Variants in TEX15 observed in about 807,000 individuals in gnomAD.
TEX15 encodes the protein testis-expressed protein 15.
A neutral mutation model predicts 237.3 loss-of-function variants in TEX15; 171 were observed. The ratio of observed to expected loss-of-function variants is 0.72; its 90% CI spans 0.64 to 0.82. The LOEUF (loss-of-function observed/expected upper bound fraction) is 0.82, where lower values mean the gene tolerates loss of function less well. TEX15 is among the 40% of genes least tolerant of loss of function. The pLI is 0.00. For synonymous variants in TEX15, 1,338 were observed against 1,269.8 expected (o/e 1.05, Z -1.14); for missense variants, 3,750 against 3,646.5 (o/e 1.03, Z -0.73).
At position 30,837,883 on chromosome 8, in the gene TEX15, A is replaced by G; in HGVS notation, c.8401T>C (p.Leu2801=). 1 of 1,614,142 alleles carries G rather than the reference A, an allele frequency of 6.2e-7. No individual in the cohort carries two copies. The highest frequency in any genetic ancestry group is 8.5e-7 in the Non-Finnish European group (1 of 1,180,016). ...CASKSESKID[L]TVSSDHFSGQ... is the part of the protein sequence containing the mutation. The stretch of plus-strand genomic sequence containing the variant: ...CTGAAGTGATCAGATGAAACAGTTA[A>G]GTCTATTTTGCTTTCCGACTTTGAT... The change falls in exon 10 of 11, where the codon TTA becomes CTA. Residue 2801 remains leucine, a synonymous_variant. Coordinates refer to ENST00000643185, the MANE Select transcript of TEX15 (RefSeq NM_001350162.2).
intron 3 of TEX15, 63 bp from the exon 4 acceptor site, chr8:30,875,165 G>T: frequency 9.6e-7 from 1 of 1,040,864 alleles, no homozygotes; most frequent in South Asian, 4.9e-5. Context: ...TCTGTACAAT[G>T]ACAACTGTAT....
In TEX15 at chr8:30,844,431, C is replaced by T. The variant is rs1163110971; in HGVS notation, c.5736G>A (p.Lys1912=). 6.2e-7 allele frequency: 1 copy of T among 1,612,298 alleles called. No homozygotes were observed. Among genetic ancestry groups the T allele is most frequent in the Non-Finnish European group, 8.5e-7 (1 of 1,179,312 alleles). Residue 1912 remains lysine (K), a synonymous_variant, in exon 8 of 11, where the codon AAG becomes AAA. Transcript: ENST00000643185. ...TGTTAAGCGGATTAGAAACTGTGTT[C>T]TTCAAAGGGACTGACTCAGTGGTAG... ...KNTTTESVPL[K]NTVSNPLNKR... is the part of the protein sequence containing the mutation.
Position 30,846,306 on chromosome 8 carries a change from A to C in TEX15, c.3861T>G (p.Asn1287Lys). 6.2e-7 allele frequency: 1 copy of C among 1,612,930 alleles called. No individual in the cohort carries two copies. The highest frequency in any genetic ancestry group is 8.5e-7 in the Non-Finnish European group (1 of 1,179,598). The change falls in exon 8 of 11, where the codon AAT becomes AAG. Residue 1287 changes from asparagine (N) to lysine (K), a missense_variant. By Grantham distance (94) the Asn-to-Lys change is moderately conservative (BLOSUM62 0). Coordinates refer to ENST00000643185, the MANE Select transcript of TEX15 (RefSeq NM_001350162.2). ...CTACCTCCTTTTTATTTTTGGTATC[A>C]TTATAGTCAGTTTTTGATTTTGTAA... is the stretch of plus-strand genomic sequence containing the variant. Reference protein sequence around the residue: ...CFFTKSKTDYNDTKNKKEVES... With the variant: ...CFFTKSKTDYKDTKNKKEVES...
intron 7 of TEX15, among the ~76,000 whole-genome samples, chr8:30,857,189 G>C (rs979128593): frequency 1.3e-5 from 2 of 152,136 alleles, no homozygotes; most frequent in Non-Finnish European, 2.9e-5. Context: ...ATACATCAGT[G>C]GGAAAAATGG....
Position 30,842,057 on chromosome 8 carries a change from C to A in TEX15, c.8110G>T (p.Asp2704Tyr). The A allele has an allele frequency of 2.5e-6, 4 of 1,611,392 alleles. No homozygotes were observed. Among genetic ancestry groups the A allele is most frequent in the South Asian group, 1.1e-5 (1 of 89,914 alleles). ...GTATCTTGCTGTTGTTCCTGAGAGT[C>A]TTCACATTTGTCTACAGTGCTCGGT... is the stretch of plus-strand genomic sequence containing the variant. The part of the protein sequence containing the change: ...KRPSTVDKCE[D>Y]SQEQQQDTTV... The change falls in exon 8 of 11, where the codon GAC becomes TAC. Residue 2704 changes from aspartate (D) to tyrosine (Y), a missense_variant. Coordinates refer to ENST00000643185, the MANE Select transcript of TEX15 (RefSeq NM_001350162.2).
intron 2 of TEX15, chr8:30,887,797 T>C (rs1808687496): frequency 6.6e-6 from 1 of 151,224 alleles, no homozygotes; most frequent in South Asian, 2.1e-4. Context: ...CAAGACTCTA[T>C]CTCAATATAT....
At chr8:30,838,773 CATATATATATAT>C (rs34610592) in intron 9 of TEX15, among the ~76,000 whole-genome samples, 7,378 of 65,414 alleles carry the variant, frequency 0.11, 480 homozygotes, top group East Asian at 0.21. Context: ...TATATAAAAA[CATATATATATAT>C]ATATATATAT....
At chr8:30,871,526 C>T (rs1037173908) in intron 4 of TEX15, among the ~76,000 whole-genome samples, 18 of 152,160 alleles carry the variant, frequency 1.2e-4, no homozygotes, top group African/African-American at 1.7e-4. Flanking sequence ...TTAAAAATAA[C>T]GACTAGGCTT....
chr8:30,861,145 A>G (rs912683349), intron 5 of TEX15, among the ~76,000 whole-genome samples: 1 of 152,196 alleles, frequency 6.6e-6, no homozygotes, highest in Admixed American at 6.5e-5. Flanking sequence ...ACCGTTTGAA[A>G]TAAAGAAGTG....
At chr8:30,867,545 A>T in intron 4 of TEX15, 43 bp from the exon 5 acceptor site, 1 of 1,237,338 alleles carries the variant, frequency 8.1e-7, no homozygotes, top group Non-Finnish European at 1.1e-6. Flanking sequence ...GATAAATATC[A>T]ACAAAATTTT....
intron 8 of TEX15, among the ~76,000 whole-genome samples, chr8:30,841,780 G>A (rs771262581): frequency 6.6e-6 from 1 of 152,046 alleles, no homozygotes; most frequent in Non-Finnish European, 1.5e-5. Flanking sequence ...AAACATTTAC[G>A]TTTAAAAAGT....
chr8:30,845,802 C>T lies in TEX15; in HGVS notation c.4365G>A (p.Arg1455=). 1 of 1,609,654 alleles carries T rather than the reference C, an allele frequency of 6.2e-7. No homozygotes were observed. Among genetic ancestry groups the T allele is most frequent in the East Asian group, 2.2e-5 (1 of 44,870 alleles). Residue 1455 remains arginine, a synonymous_variant, in exon 8 of 11, where the codon CGG becomes CGA. Coordinates refer to ENST00000643185, the MANE Select transcript of TEX15 (RefSeq NM_001350162.2). ...HFSSKRKYDK[R]RKKRAPKADI... is the part of the protein sequence containing the mutation. Reference sequence around the variant, plus strand: ...CAGCTTTTGGAGCTCTTTTCTTTCTCCGTTTGTCATATTTTCTTTTTGACG... The same window carrying T: ...CAGCTTTTGGAGCTCTTTTCTTTCTTCGTTTGTCATATTTTCTTTTTGACG...
rs1237588075 is a variant in TEX15 at position 30,845,038 on chromosome 8, A to G, written c.5129T>C (p.Ile1710Thr). 6.2e-7 allele frequency: 1 copy of G among 1,613,454 alleles called. No homozygotes were observed. The highest frequency in any genetic ancestry group is 1.3e-5 in the African/African-American group (1 of 74,904). ...AGGAATACTGTACTTTTTACTTGCTATCAAAGTTAGGTTTAATGGGCCCAT... is the reference window on the plus strand; with the variant it reads ...AGGAATACTGTACTTTTTACTTGCTGTCAAAGTTAGGTTTAATGGGCCCAT... Reference protein sequence around the residue: ...FLMGPLNLTLIASKKYSIPQL... With the variant: ...FLMGPLNLTLTASKKYSIPQL... Residue 1710 changes from isoleucine to threonine, a missense_variant, in exon 8 of 11, where the codon ATA (isoleucine) becomes ACA (threonine). Ile to Thr is a moderately conservative substitution (Grantham distance 89, BLOSUM62 -1). Coordinates refer to ENST00000643185, the MANE Select transcript of TEX15 (RefSeq NM_001350162.2).
chr8:30,887,147 C>T lies in TEX15; in HGVS notation c.136+20G>A. The T allele has an allele frequency of 6.6e-7, 1 of 1,516,172 alleles. No individual in the cohort carries two copies. Among genetic ancestry groups the T allele is most frequent in the Non-Finnish European group, 8.8e-7 (1 of 1,139,944 alleles). 93.9% of individuals were successfully genotyped at this position (1,516,172 alleles called of 1,614,324 possible). On this transcript the variant is annotated intron_variant, in intron 3 of 10. Transcript: ENST00000643185. ...TACAGTAATAGTTACTAAAAAAATT[C>T]CCAACCACAGAAATATTACCTTTCT... is the stretch of plus-strand genomic sequence containing the variant.
intron 2 of TEX15, among the ~76,000 whole-genome samples, chr8:30,896,546 TAA>T (rs10714910): frequency 4.8e-5 from 7 of 145,284 alleles, no homozygotes; most frequent in African/African-American, 1.5e-4. Flanking sequence ...ACCATACGAT[TAA>T]AAAAAAAAAA....
chr8:30,903,861 G>A (rs996002363), intron 1 of TEX15, among the ~76,000 whole-genome samples: 3 of 152,130 alleles, frequency 2.0e-5, no homozygotes, highest in Non-Finnish European at 4.4e-5. Flanking sequence ...GTGTTAGAAG[G>A]GTATGAAATA....
Position 30,843,225 on chromosome 8 carries a change from T to C in TEX15, c.6942A>G (p.Ile2314Met), listed in dbSNP as rs749063004. The C allele has an allele frequency of 3.7e-6, 6 of 1,613,374 alleles. No individual in the cohort carries two copies. Among genetic ancestry groups the C allele is most frequent in the Non-Finnish European group, 5.1e-6 (6 of 1,179,682 alleles). Residue 2314 changes from isoleucine to methionine, a missense_variant, in exon 8 of 11, where the codon ATA (isoleucine) becomes ATG (methionine). By Grantham distance (10) the Ile-to-Met change is conservative (BLOSUM62 1). Coordinates refer to ENST00000643185, the MANE Select transcript of TEX15 (RefSeq NM_001350162.2). ...TTAAATCTTTAGACAAAGTATCATA[T>C]ATCTTCTGCAACTTAGAAAAGGCAC... Reference protein sequence around the residue: ...NKCAFSKLQKIYDTLSKDLNN... With the variant: ...NKCAFSKLQKMYDTLSKDLNN...
chr8:30,911,814 G>C (rs1809225413), intron 1 of TEX15, among the ~76,000 whole-genome samples: 1 of 152,136 alleles, frequency 6.6e-6, no homozygotes, highest in Admixed American at 6.5e-5. Flanking sequence ...ACTCAACCCC[G>C]AGCGCGGAGA....
Position 30,848,432 on chromosome 8 carries a change from G to T in TEX15, c.1735C>A (p.His579Asn). 1.9e-6 allele frequency: 3 copies of T among 1,614,094 alleles called. No individual in the cohort carries two copies. The highest frequency in any genetic ancestry group is 2.5e-6 in the Non-Finnish European group (3 of 1,180,006). ...GAAGACTGCGAGTCCTGAAAAATGT[G>T]ACTACTGTACTCTTTTGTATAAGCA... ...GNAYTKEYSS[H>N]IFQDSQSSDL... The change falls in exon 8 of 11, where the codon CAC (histidine) becomes AAC (asparagine). Residue 579 changes from histidine to asparagine, a missense_variant. Physicochemically the swap from His to Asn is moderately conservative, Grantham distance 68. Coordinates refer to ENST00000643185, the MANE Select transcript of TEX15 (RefSeq NM_001350162.2).
Sources: gnomAD v4.1 joint callset for allele counts (sites outside exome capture counted in the v4.1 genomes callset) on GRCh38, gnomAD v4.1.1 for gene constraint, MANE v1.5 for transcripts, NCBI Gene and HGNC (gene_info 2026-07-23, HGNC 2026-07-21) for gene names.